The following COL5A3 variants were observed in gnomAD, a reference collection of about 807,000 sequenced individuals.
COL5A3 encodes collagen type V alpha 3 chain.
In COL5A3, 172 loss-of-function variants were observed where a neutral mutation model predicts 250.0. The observed-to-expected ratio is 0.69, with a 90% CI of 0.61 to 0.78. The LOEUF is 0.78. Among genes scored for constraint, COL5A3 ranks in the 30% least tolerant of loss-of-function variants. COL5A3 has a pLI of 0.00. For synonymous variants in COL5A3, 937 were observed against 900.4 expected, an observed-to-expected ratio of 1.04 and a Z score of -0.73; for missense variants, 2,340 against 2,334.4, an observed-to-expected ratio of 1.00 and a Z score of -0.05.
At chr19:9,988,977 C>T (rs2087147500) in intron 27 of COL5A3, 147 bp downstream of exon 27, 1 of 771,822 alleles carries the variant, frequency 1.3e-6, no homozygotes, top group African/African-American at 1.7e-5. Context: ...CTGTCCTTGG[C>T]TGTGCAGCTC....
At chr19:9,973,120 C>A in intron 50 of COL5A3, 94 bp from the exon 51 acceptor site, 1 of 1,169,294 alleles carries the variant, frequency 8.6e-7, no homozygotes, top group Non-Finnish European at 1.2e-6. Context: ...TGGTCTGGGA[C>A]TTTTCTGGGG....
Position 9,979,247 on chromosome 19 carries a change from G to A in COL5A3, c.2767-8C>T, listed in dbSNP as rs186342472. On this transcript the variant is annotated splice_region_variant and splice_polypyrimidine_tract_variant and intron_variant, in intron 38 of 66. Transcript: ENST00000264828. ...CACTTCTCCTGTCTTTCCCTGGTGAGGAAGAAGGCTCCTGTTGAGTGGGGG... is the reference window on the plus strand; with the variant it reads ...CACTTCTCCTGTCTTTCCCTGGTGAAGAAGAAGGCTCCTGTTGAGTGGGGG... 2.4e-4 allele frequency: 392 copies of A among 1,606,284 alleles called. 1 individual carries two copies. The African/African-American group carries it at 4.7e-3, about 19-fold the overall frequency.
In COL5A3 at chr19:10,003,682, A is replaced by G. The variant is rs532701563; in HGVS notation, c.732T>C (p.Pro244=). 3.5e-4 allele frequency: 571 copies of G among 1,613,826 alleles called. 9 individuals carry two copies. The South Asian group carries it at 6.1e-3, about 17-fold the overall frequency. Residue 244 remains proline (P), a synonymous_variant, in exon 6 of 67, where the codon CCT becomes CCC. Coordinates refer to ENST00000264828, the MANE Select transcript of COL5A3 (RefSeq NM_015719.4). ...APQGEPETPR[P]RRKGKGKGRK... ...TCCCTTTTCCCTTCCCCTTCCGCCG[A>G]GGACGAGGGGTTTCTGGTTCACCCT...
intron 16 of COL5A3, among the ~76,000 whole-genome samples, chr19:9,994,602 ATATATG>A (rs1441999216): frequency 6.8e-5 from 8 of 117,046 alleles, no homozygotes; most frequent in Non-Finnish European, 5.3e-5. Context: ...ATATATATAT[ATATATG>A]GTCACATGTC....
chr19:9,965,097 G>A (rs947960084), intron 64 of COL5A3, among the ~76,000 whole-genome samples: 4 of 150,290 alleles, frequency 2.7e-5, no homozygotes, highest in Non-Finnish European at 5.9e-5. Context: ...TTTTGCATCA[G>A]TATCTGAATT....
In COL5A3 at chr19:9,991,855, G is replaced by C; in HGVS notation, c.1894-14C>G. On this transcript the variant is annotated splice_polypyrimidine_tract_variant and intron_variant, in intron 22 of 66. Coordinates refer to ENST00000264828, the MANE Select transcript of COL5A3 (RefSeq NM_015719.4). ...TCCTGGAGGACCCTGGGGAGAAAGT[G>C]GGGTTTCAGTGAAGCTAAGAGGGGT... is the stretch of plus-strand genomic sequence containing the variant. The C allele has an allele frequency of 1.2e-6, 2 of 1,607,782 alleles. No homozygotes were observed. The highest frequency in any genetic ancestry group is 1.7e-6 in the Non-Finnish European group (2 of 1,177,066).
chr19:10,006,039 C>T (rs367679614), intron 2 of COL5A3, 34 bp downstream of exon 2: 65 of 1,611,212 alleles, frequency 4.0e-5, no homozygotes, highest in Middle Eastern at 3.3e-4. Context: ...TGCCTCCCTC[C>T]GGGGAGGTAC....
chr19:9,999,947 A>G (rs1050777137), intron 8 of COL5A3, among the ~76,000 whole-genome samples: 2 of 152,056 alleles, frequency 1.3e-5, no homozygotes, highest in Non-Finnish European at 2.9e-5. Flanking sequence ...TTGTAAAGAT[A>G]GGGTCTCGCT....
In COL5A3 at chr19:9,969,736, G is replaced by A; in HGVS notation, c.3991-54C>T. 3 of 1,579,340 alleles carry A rather than the reference G, an allele frequency of 1.9e-6. No individual in the cohort carries two copies. In the Admixed American group the frequency reaches 5.3e-5, roughly 28 times the overall value. On this transcript the variant is annotated intron_variant, in intron 55 of 66. Transcript: ENST00000264828. ...CAGAGTCAGAGGGTTCCTGCCTCCT[G>A]ACCCCTGCCAAGAAGCATCTGGGAT...
At chr19:9,987,026 T>C (rs1329503668) in intron 27 of COL5A3, among the ~76,000 whole-genome samples, 6 of 152,140 alleles carry the variant, frequency 3.9e-5, no homozygotes, top group Non-Finnish European at 8.8e-5. Context: ...TGTCCACAGT[T>C]CCTTCTGGCA....
chr19:9,997,085 G>C, intron 11 of COL5A3: 1 of 558,642 alleles, frequency 1.8e-6, no homozygotes, highest in Non-Finnish European at 3.2e-6. Flanking sequence ...AACAGAGAGA[G>C]ACAGAAGAGA....
intron 64 of COL5A3, among the ~76,000 whole-genome samples, chr19:9,965,127 T>C (rs1266100664): frequency 3.3e-5 from 5 of 150,782 alleles, no homozygotes; most frequent in East Asian, 2.0e-4. Flanking sequence ...CTCTATGAAG[T>C]AGATACTTTC....
At chr19:9,970,906 C>T (rs1427756181) in intron 53 of COL5A3, 69 bp downstream of exon 53, 2 of 1,368,764 alleles carry the variant, frequency 1.5e-6, no homozygotes, top group Non-Finnish European at 2.0e-6. Context: ...TCCCCTGCCC[C>T]CCCAATTCAC....
chr19:10,007,704 G>C (rs567297076), intron 1 of COL5A3, among the ~76,000 whole-genome samples: 1 of 152,272 alleles, frequency 6.6e-6, no homozygotes, highest in East Asian at 1.9e-4. Context: ...GGGGCGGGGG[G>C]GCTAAGACGT....
rs1416142923 is a variant in COL5A3 at position 10,006,181 on chromosome 19, C to A, written c.139G>T (p.Val47Phe). 1.9e-6 allele frequency: 3 copies of A among 1,607,884 alleles called. No individual in the cohort carries two copies. The highest frequency in any genetic ancestry group is 2.5e-6 in the Non-Finnish European group (3 of 1,177,358). The change falls in exon 2 of 67, where the codon GTC becomes TTC. Residue 47 changes from valine to phenylalanine, a missense_variant. By Grantham distance (50) the Val-to-Phe change is conservative. Around this residue, in one of 3 missense-constraint regions of COL5A3, gnomAD observed 1,152 missense variants for 1,146.3 expected, o/e 1.00. Transcript: ENST00000264828. The part of the protein sequence containing the change: ...ALGVQGGQAG[V>F]PEGPGFCPQR... ...GGACAGAAGCCAGGCCCCTCGGGGACCCCAGCCTGGCCTCCCTGCACACCC... is the reference window on the plus strand; with the variant it reads ...GGACAGAAGCCAGGCCCCTCGGGGAACCCAGCCTGGCCTCCCTGCACACCC...
chr19:9,979,050 GC>G, intron 39 of COL5A3, 70 bp from the exon 40 acceptor site: 4 of 1,471,242 alleles, frequency 2.7e-6, no homozygotes, highest in Non-Finnish European at 3.7e-6. Flanking sequence ...GTGACTCAGG[GC>G]CCCCTCCCCC....
chr19:9,970,425 AGG>A (rs2086823975), intron 54 of COL5A3, among the ~76,000 whole-genome samples, 195 bp downstream of exon 54: 1 of 8,392 alleles, frequency 1.2e-4, no homozygotes, highest in Non-Finnish European at 2.0e-4. Context: ...GGGGGCTGTA[AGG>A]TGAGTGGGGT....
At position 9,960,496 on chromosome 19, in the gene COL5A3, G is replaced by A. The variant is rs2086657248; in HGVS notation, c.5153C>T (p.Pro1718Leu). The change falls in exon 67 of 67, where the codon CCC (proline) becomes CTC (leucine). Residue 1718 changes from proline (P) to leucine (L), a missense_variant. Physicochemically the swap from Pro to Leu is moderately conservative, Grantham distance 98. Coordinates refer to ENST00000264828, the MANE Select transcript of COL5A3 (RefSeq NM_015719.4). ...EFSSSRAGFL[P>L]LWDVAATDFG... ...GTCAGTGGCCGCCACATCCCACAGG[G>A]GCAGAAATCCCGCTCGAGAAGAGCT... 2 of 1,614,036 alleles carry A rather than the reference G, an allele frequency of 1.2e-6. No individual in the cohort carries two copies. The highest frequency in any genetic ancestry group is 1.3e-5 in the African/African-American group (1 of 74,906).
Position 9,966,546 on chromosome 19 carries a change from G to T in COL5A3, c.4659C>A (p.His1553Gln). Reference protein sequence around the residue: ...VCHELHRNHPHLPDGEYWIDP... With the variant: ...VCHELHRNHPQLPDGEYWIDP... ...GGGACCGGACCTCACCATCAGGCAGGTGCGGGTGGTTGCGGTGCAGCTCGT... is the reference window on the plus strand; with the variant it reads ...GGGACCGGACCTCACCATCAGGCAGTTGCGGGTGGTTGCGGTGCAGCTCGT... Residue 1553 changes from histidine (H) to glutamine (Q), a missense_variant, in exon 63 of 67, where the codon CAC becomes CAA. His to Gln is a conservative substitution (Grantham distance 24). Transcript: ENST00000264828. 1 of 1,545,198 alleles carries T rather than the reference G, an allele frequency of 6.5e-7. No homozygotes were observed. Among genetic ancestry groups the T allele is most frequent in the Non-Finnish European group, 8.7e-7 (1 of 1,147,166 alleles).
Sources: gnomAD v4.1 joint callset for allele counts (sites outside exome capture counted in the v4.1 genomes callset) on GRCh38, gnomAD v4.1.1 for gene constraint, gnomAD v4.1.1 regional missense constraint, MANE v1.5 for transcripts, NCBI Gene and HGNC (gene_info 2026-07-23, HGNC 2026-07-21) for gene names.